ZDHHC17: variants seen among roughly 807,000 people sequenced by gnomAD.
The protein encoded by ZDHHC17 is palmitoyltransferase ZDHHC17.
Under a neutral mutation model 90.3 loss-of-function variants are expected in ZDHHC17, and 40 were observed. That is an observed-to-expected ratio of 0.44 (90% CI 0.34 to 0.58). The LOEUF is 0.58. ZDHHC17 is among the 20% of genes least tolerant of loss of function. The pLI is 0.01. For missense variants in ZDHHC17, 614 were observed against 780.8 expected, an observed-to-expected ratio of 0.79 and a Z score of 2.55; for synonymous variants, 235 against 252.4, an observed-to-expected ratio of 0.93 and a Z score of 0.65.
At chr12:76,850,199 G>A (rs940063015) in intron 16 of ZDHHC17, among the ~76,000 whole-genome samples, 10 of 152,012 alleles carry the variant, frequency 6.6e-5, no homozygotes, top group Admixed American at 5.9e-4. Context: ...ACTTACCGAC[G>A]TGAACCACTG....
chr12:76,824,962 T>C (rs1436489854), intron 8 of ZDHHC17, among the ~76,000 whole-genome samples: 1 of 152,180 alleles, frequency 6.6e-6, no homozygotes, highest in Non-Finnish European at 1.5e-5. Context: ...CTTAGAATAT[T>C]AAGTAAAAGG....
At chr12:76,776,532 CTG>C (rs1394050779) in intron 1 of ZDHHC17, among the ~76,000 whole-genome samples, 1 of 152,102 alleles carries the variant, frequency 6.6e-6, no homozygotes, top group African/African-American at 2.4e-5. Context: ...GTTATAAAAT[CTG>C]TATTTTTCTG....
At chr12:76,819,685 C>T (rs2137775265) in intron 7 of ZDHHC17, among the ~76,000 whole-genome samples, 1 of 152,244 alleles carries the variant, frequency 6.6e-6, no homozygotes, top group South Asian at 2.1e-4. Flanking sequence ...CAAGATAGAA[C>T]TTATTTTAAA....
In ZDHHC17 at chr12:76,828,303, C is replaced by T. The variant is rs1331924461; in HGVS notation, c.1041-87C>T. 4 of 1,175,914 alleles carry T rather than the reference C, an allele frequency of 3.4e-6. No individual in the cohort carries two copies. In the East Asian group the frequency reaches 7.8e-5, roughly 23 times the overall value. 72.8% of individuals were successfully genotyped at this position (1,175,914 alleles called of 1,614,324 possible). ...TCTGGTGAAACCAATGCTTACTATA[C>T]AAAATGTGTGTCATTTTCATTTAAA... On this transcript the variant is annotated intron_variant, in intron 9 of 16. Transcript: ENST00000426126.
At chr12:76,798,882 C>A (rs1952854120) in intron 2 of ZDHHC17, among the ~76,000 whole-genome samples, 1 of 152,182 alleles carries the variant, frequency 6.6e-6, no homozygotes, top group Admixed American at 6.5e-5. Flanking sequence ...CCAAAGCATT[C>A]ATTAAGGATC....
At chr12:76,818,782 C>T (rs1185511880) in intron 7 of ZDHHC17, among the ~76,000 whole-genome samples, 1 of 152,010 alleles carries the variant, frequency 6.6e-6, no homozygotes, top group Non-Finnish European at 1.5e-5. Flanking sequence ...TCATGCAATG[C>T]GATAATAAAG....
chr12:76,833,037 T>TA (rs1224701646), intron 10 of ZDHHC17, among the ~76,000 whole-genome samples: 1 of 152,196 alleles, frequency 6.6e-6, no homozygotes, highest in Non-Finnish European at 1.5e-5. Flanking sequence ...GTTTCCTACA[T>TA]AATCTGATAC....
At chr12:76,807,813 C>T (rs191451959) in intron 3 of ZDHHC17, among the ~76,000 whole-genome samples, 5 of 152,178 alleles carry the variant, frequency 3.3e-5, no homozygotes, top group East Asian at 1.9e-4. Context: ...ATTCTAGTTA[C>T]GATTTTTAAT....
intron 4 of ZDHHC17, 107 bp downstream of exon 4, chr12:76,809,227 C>A (rs1174851284): frequency 7.7e-6 from 5 of 653,200 alleles, no homozygotes; most frequent in Non-Finnish European, 9.3e-6. Context: ...CTTATTATGC[C>A]GTTAGTTAAT....
Position 76,828,376 on chromosome 12 carries a change from C to T in ZDHHC17, c.1041-14C>T. ...AATATAGAGCTCATATTTTATAAAA[C>T]TTGTGTTTTACAGATCCTTTTTCGA... On this transcript the variant is annotated splice_polypyrimidine_tract_variant and intron_variant, in intron 9 of 16. Transcript: ENST00000426126. 1.3e-6 allele frequency: 2 copies of T among 1,573,992 alleles called. No homozygotes were observed. Among genetic ancestry groups the T allele is most frequent in the Non-Finnish European group, 1.7e-6 (2 of 1,163,322 alleles).
At position 76,801,076 on chromosome 12, in the gene ZDHHC17, C is replaced by T. The variant is rs7311132; in HGVS notation, c.197+3539C>T. Among the ~76,000 whole-genome samples the T allele has an allele frequency of 9.6e-3, 1,453 of 151,050 alleles. 26 individuals carry two copies. The highest frequency in any genetic ancestry group is 0.033 in the African/African-American group (1,381 of 41,296). On this transcript the variant is annotated intron_variant, in intron 2 of 16. Coordinates refer to ENST00000426126, the MANE Select transcript of ZDHHC17 (RefSeq NM_015336.4). ...CTAATTTTTGTATTTTTAGTAGAGA[C>T]GGGGTTTCACCATGTTGGTCAGGCT...
At chr12:76,841,887 C>A in intron 10 of ZDHHC17, 95 bp from the exon 11 acceptor site, 3 of 922,672 alleles carry the variant, frequency 3.3e-6, no homozygotes, top group East Asian at 3.4e-5. Context: ...ATTTTTTTGA[C>A]TGGTAGGTGT....
At chr12:76,831,005 A>G (rs1016476069) in intron 10 of ZDHHC17, among the ~76,000 whole-genome samples, 1 of 151,550 alleles carries the variant, frequency 6.6e-6, no homozygotes, top group Admixed American at 6.6e-5. Context: ...TATTTAGCTT[A>G]CCCTATTTGA....
At chr12:76,808,389 G>A (rs1336682341) in intron 3 of ZDHHC17, among the ~76,000 whole-genome samples, 4 of 152,130 alleles carry the variant, frequency 2.6e-5, no homozygotes, top group Non-Finnish European at 5.9e-5. Context: ...CCAGCACTTT[G>A]GGAGTCCAAA....
At chr12:76,824,241 C>T (rs531990461) in intron 8 of ZDHHC17, among the ~76,000 whole-genome samples, 11 of 151,952 alleles carry the variant, frequency 7.2e-5, no homozygotes, top group Non-Finnish European at 1.5e-4. Context: ...AAGTTTAGTG[C>T]AATTTTAACA....
intron 1 of ZDHHC17, among the ~76,000 whole-genome samples, chr12:76,784,767 G>A (rs1177981074): frequency 6.6e-6 from 1 of 152,194 alleles, no homozygotes; most frequent in East Asian, 1.9e-4. Context: ...TTGAAGAATT[G>A]TAACAGGAGA....
chr12:76,797,406 TGCC>T, intron 1 of ZDHHC17, 25 bp from the exon 2 acceptor site: 1 of 1,530,242 alleles, frequency 6.5e-7, no homozygotes, highest in Admixed American at 1.9e-5. Context: ...TTTCAATTCT[TGCC>T]TGTGTGTGAT....
At chr12:76,780,202 T>C (rs1261256502) in intron 1 of ZDHHC17, among the ~76,000 whole-genome samples, 2 of 152,214 alleles carry the variant, frequency 1.3e-5, no homozygotes, top group Non-Finnish European at 2.9e-5. Flanking sequence ...TGATATTAAA[T>C]TTATATATCA....
intron 8 of ZDHHC17, among the ~76,000 whole-genome samples, chr12:76,824,012 T>A (rs1043845283): frequency 2.0e-5 from 3 of 152,174 alleles, no homozygotes; most frequent in Non-Finnish European, 2.9e-5. Flanking sequence ...AAATCTTGTG[T>A]TACTTTGGAA....
Sources: allele counts gnomAD v4.1 joint callset (sites outside exome capture counted in the v4.1 genomes callset), GRCh38; gene constraint gnomAD v4.1.1; transcripts MANE v1.5; gene names NCBI Gene and HGNC (gene_info 2026-07-23, HGNC 2026-07-21).